The following PURB variants were observed in gnomAD, a reference collection of about 807,000 sequenced individuals.
The protein encoded by PURB is transcriptional regulator protein Pur-beta.
PURB carries 11 observed loss-of-function variants against 21.1 expected under a neutral mutation model. The ratio of observed to expected loss-of-function variants is 0.52; its 90% confidence interval spans 0.33 to 0.86. PURB has a LOEUF of 0.86. PURB is among the 40% of genes least tolerant of loss of function. The pLI is 0.02. For missense variants in PURB, 357 were observed against 456.5 expected (o/e 0.78, Z 1.99); for synonymous variants, 246 against 210.8 (o/e 1.17, Z -1.45).
chr7:44,884,327 C>T lies in PURB; in HGVS notation c.*83G>A. On this transcript the variant is annotated 3_prime_UTR_variant, in exon 1 of 1. Coordinates refer to ENST00000395699, the MANE Select transcript of PURB (RefSeq NM_033224.5). ...GCCTCCCTTGCTCCCTCTCCACTAG[C>T]TCACTGGGGATGAGCAGGAAAGGGA... The T allele has an allele frequency of 6.5e-7, 1 of 1,548,930 alleles. No individual in the cohort carries two copies. The highest frequency in any genetic ancestry group is 8.7e-7 in the Non-Finnish European group (1 of 1,153,358).
Position 44,883,694 on chromosome 7 carries a change from C to T in PURB, c.*716G>A. ...CATTGCTATCTGAATCCACTGGCAT[C>T]CTGGAAAACAATTCTGCGAAGAAAA... On this transcript the variant is annotated 3_prime_UTR_variant, in exon 1 of 1. Coordinates refer to ENST00000395699, the MANE Select transcript of PURB (RefSeq NM_033224.5). The T allele has an allele frequency of 6.6e-6, 1 of 152,570 alleles. No homozygotes were observed. Among genetic ancestry groups the T allele is most frequent in the East Asian group, 1.9e-4 (1 of 5,202 alleles). The allele number at this position is 152,570 out of a possible 1,614,324, so 9.5% of individuals were successfully genotyped here.
chr7:44,883,217 T>G lies in PURB; in HGVS notation c.*1193A>C, dbSNP rs894602933. The G allele has an allele frequency of 2.6e-5, 4 of 152,630 alleles. No homozygotes were observed. The highest frequency in any genetic ancestry group is 5.9e-5 in the Non-Finnish European group (4 of 68,040). The allele number at this position is 152,630 out of a possible 1,614,324, so 9.5% of individuals were successfully genotyped here. A position where few individuals can be genotyped will look rare whatever the true frequency, so the allele number is the denominator to read the frequency against. ...GATGCTGGAATTCTGGACCTGAGGA[T>G]CTTTAGTATTTGAACAAATCCACAG... On this transcript the variant is annotated 3_prime_UTR_variant, in exon 1 of 1. Transcript: ENST00000395699.
rs1027684387 is a variant in PURB, at chr7:44,876,430, T to C, written c.*7980A>G. 3 of 152,646 alleles carry C rather than the reference T, an allele frequency of 2.0e-5. No individual in the cohort carries two copies. Among genetic ancestry groups the C allele is most frequent in the African/African-American group, 7.2e-5 (3 of 41,464 alleles). The allele number at this position is 152,646 out of a possible 1,614,324, so 9.5% of individuals were successfully genotyped here. A position where few individuals can be genotyped will look rare whatever the true frequency, so the allele number is the denominator to read the frequency against. The stretch of plus-strand genomic sequence containing the variant: ...GAAGGATTCTTACATTTTTTCTCTG[T>C]GAGTTTTTCTGTCAGTTTTGCTAGT... On this transcript the variant is annotated 3_prime_UTR_variant, in exon 1 of 1. Transcript: ENST00000395699.
At position 44,884,681 on chromosome 7, in the gene PURB, G is replaced by A. The variant is rs921954122; in HGVS notation, c.668C>T (p.Thr223Ile). The change falls in exon 1 of 1, where the codon ACC becomes ATC. Residue 223 changes from threonine (T) to isoleucine (I), a missense_variant. Transcript: ENST00000395699. Reference sequence around the variant, plus strand: ...GCGCTTGGAGTCCACGGTGATGGAGGTGCCCTCCGGGAGCTCTCCATACAG... The same window carrying A: ...GCGCTTGGAGTCCACGGTGATGGAGATGCCCTCCGGGAGCTCTCCATACAG... ...GGLYGELPEG[T>I]SITVDSKRFF... is the part of the protein sequence containing the mutation. 1 of 1,614,100 alleles carries A rather than the reference G, an allele frequency of 6.2e-7. No individual in the cohort carries two copies. The highest frequency in any genetic ancestry group is 8.5e-7 in the Non-Finnish European group (1 of 1,180,038).
At position 44,876,413 on chromosome 7, in the gene PURB, C is replaced by G. The variant is rs1476399486; in HGVS notation, c.*7997G>C. The G allele has an allele frequency of 1.3e-5, 2 of 152,550 alleles. No individual in the cohort carries two copies. Among genetic ancestry groups the G allele is most frequent in the Admixed American group, 1.3e-4 (2 of 15,266 alleles). 9.4% of individuals were successfully genotyped at this position (152,550 alleles called of 1,614,324 possible). A position where few individuals can be genotyped will look rare whatever the true frequency, so the allele number is the denominator to read the frequency against. On this transcript the variant is annotated 3_prime_UTR_variant, in exon 1 of 1. Coordinates refer to ENST00000395699, the MANE Select transcript of PURB (RefSeq NM_033224.5). The stretch of plus-strand genomic sequence containing the variant: ...GGAGTGCACACCAGCAGGAAGGATT[C>G]TTACATTTTTTCTCTGTGAGTTTTT...
In PURB at chr7:44,882,621, T is replaced by C. The variant is rs937017956; in HGVS notation, c.*1789A>G. ...TCATTTCCCAATAAATACAAAAAGATTGTATAGATTGAATAATACCAAAAT... is the reference window on the plus strand; with the variant it reads ...TCATTTCCCAATAAATACAAAAAGACTGTATAGATTGAATAATACCAAAAT... On this transcript the variant is annotated 3_prime_UTR_variant, in exon 1 of 1. Transcript: ENST00000395699. 1.3e-5 allele frequency: 2 copies of C among 152,196 alleles called. No homozygotes were observed. Among genetic ancestry groups the C allele is most frequent in the African/African-American group, 4.8e-5 (2 of 41,452 alleles). The allele number at this position is 152,196 out of a possible 1,614,324, so 9.4% of individuals were successfully genotyped here.
rs2128691528 is a variant in PURB at position 44,880,840 on chromosome 7, G to A, written c.*3570C>T. 1 of 152,768 alleles carries A rather than the reference G, an allele frequency of 6.5e-6. No individual in the cohort carries two copies. The highest frequency in any genetic ancestry group is 1.9e-4 in the East Asian group (1 of 5,190). The allele number at this position is 152,768 out of a possible 1,614,324, so 9.5% of individuals were successfully genotyped here. Reference sequence around the variant, plus strand: ...AGTGATGTGACAAGTAGCCATGTGTGTATCACAGCTACAGTCATTTATACC... The same window carrying A: ...AGTGATGTGACAAGTAGCCATGTGTATATCACAGCTACAGTCATTTATACC... On this transcript the variant is annotated 3_prime_UTR_variant, in exon 1 of 1. Transcript: ENST00000395699.
rs1236922711 is a variant in PURB at position 44,879,632 on chromosome 7, A to C, written c.*4778T>G. 6.6e-6 allele frequency: 1 copy of C among 152,598 alleles called. No homozygotes were observed. The highest frequency in any genetic ancestry group is 1.5e-5 in the Non-Finnish European group (1 of 68,032). The allele number at this position is 152,598 out of a possible 1,614,324, so 9.5% of individuals were successfully genotyped here. A position where few individuals can be genotyped will look rare whatever the true frequency, so the allele number is the denominator to read the frequency against. Reference sequence around the variant, plus strand: ...AAAAGTTACCTTAAGGCTCAAGGGAAAGTAACTTATTAAATTGTGAATGCA... The same window carrying C: ...AAAAGTTACCTTAAGGCTCAAGGGACAGTAACTTATTAAATTGTGAATGCA... On this transcript the variant is annotated 3_prime_UTR_variant, in exon 1 of 1. Transcript: ENST00000395699.
In PURB at chr7:44,883,296, T is replaced by G. The variant is rs1404891194; in HGVS notation, c.*1114A>C. ...GTTTTGGTTATTTCCAACTTTTCTG[T>G]GAGGATGTATATCCATTAAAGCTCA... On this transcript the variant is annotated 3_prime_UTR_variant, in exon 1 of 1. Transcript: ENST00000395699. 6.6e-6 allele frequency: 1 copy of G among 152,646 alleles called. No individual in the cohort carries two copies. The highest frequency in any genetic ancestry group is 1.5e-5 in the Non-Finnish European group (1 of 68,040). The allele number at this position is 152,646 out of a possible 1,614,324, so 9.5% of individuals were successfully genotyped here. A position where few individuals can be genotyped will look rare whatever the true frequency, so the allele number is the denominator to read the frequency against.
In PURB at chr7:44,885,109, G is replaced by A. The variant is rs778343098; in HGVS notation, c.240C>T (p.Ala80=). The change falls in exon 1 of 1, where the codon GCC becomes GCT. Residue 80 remains alanine, a synonymous_variant. Transcript: ENST00000395699. Reference sequence around the variant, plus strand: ...CGCCCAGCGAGTCGCGGAACTCGGCGGCCACCGCCATGGACAGCGTGAGGC... The same window carrying A: ...CGCCCAGCGAGTCGCGGAACTCGGCAGCCACCGCCATGGACAGCGTGAGGC... ...KSRLTLSMAV[A]AEFRDSLGDF... The A allele has an allele frequency of 4.4e-6, 7 of 1,575,662 alleles. No homozygotes were observed. Among genetic ancestry groups the A allele is most frequent in the Non-Finnish European group, 6.0e-6 (7 of 1,165,998 alleles).
Position 44,884,181 on chromosome 7 carries a change from T to A in PURB, c.*229A>T. ...TTTTACGCAGGTGAGGAGATGCTGT[T>A]TTCCTCTTTGCAGGTTGCTGTCAGT... On this transcript the variant is annotated 3_prime_UTR_variant, in exon 1 of 1. Coordinates refer to ENST00000395699, the MANE Select transcript of PURB (RefSeq NM_033224.5). 2 of 1,016,910 alleles carry A rather than the reference T, an allele frequency of 2.0e-6. No individual in the cohort carries two copies. Among genetic ancestry groups the A allele is most frequent in the South Asian group, 1.8e-5 (1 of 55,310 alleles). The allele number at this position is 1,016,910 out of a possible 1,614,324, so 63.0% of individuals were successfully genotyped here.
In PURB at chr7:44,878,385, G is replaced by A. The variant is rs1793829564; in HGVS notation, c.*6025C>T. 1 of 152,180 alleles carries A rather than the reference G, an allele frequency of 6.6e-6. No homozygotes were observed. Among genetic ancestry groups the A allele is most frequent in the African/African-American group, 2.4e-5 (1 of 41,448 alleles). 9.4% of individuals were successfully genotyped at this position (152,180 alleles called of 1,614,324 possible). ...TTTGCTTCTAGACTCAAAATCTGTT[G>A]ACACTTAAAGTATAATTATACTTTT... On this transcript the variant is annotated 3_prime_UTR_variant, in exon 1 of 1. Transcript: ENST00000395699.
Position 44,884,126 on chromosome 7 carries a change from TCA to T in PURB, c.*282_*283del. 1 of 606,200 alleles carries T rather than the reference TCA, an allele frequency of 1.6e-6. No individual in the cohort carries two copies. The highest frequency in any genetic ancestry group is 2.7e-6 in the Non-Finnish European group (1 of 369,670). The allele number at this position is 606,200 out of a possible 1,614,324, so 37.6% of individuals were successfully genotyped here. Reference sequence around the variant, plus strand: ...GATTATCCTGATGGGTTTACGAACCTCAGTTGAGAAACAACAGAAGCTGAGAC... The same window carrying T: ...GATTATCCTGATGGGTTTACGAACCTGTTGAGAAACAACAGAAGCTGAGAC... On this transcript the variant is annotated 3_prime_UTR_variant, in exon 1 of 1. Transcript: ENST00000395699.
At position 44,883,202 on chromosome 7, in the gene PURB, T is replaced by C. The variant is rs952126971; in HGVS notation, c.*1208A>G. On this transcript the variant is annotated 3_prime_UTR_variant, in exon 1 of 1. Coordinates refer to ENST00000395699, the MANE Select transcript of PURB (RefSeq NM_033224.5). ...TTTAAAAGAATAAATGATGCTGGAA[T>C]TCTGGACCTGAGGATCTTTAGTATT... is the stretch of plus-strand genomic sequence containing the variant. 1 of 152,622 alleles carries C rather than the reference T, an allele frequency of 6.6e-6. No homozygotes were observed. Among genetic ancestry groups the C allele is most frequent in the African/African-American group, 2.4e-5 (1 of 41,446 alleles). The allele number at this position is 152,622 out of a possible 1,614,324, so 9.5% of individuals were successfully genotyped here.
rs1295894970 is a variant in PURB at position 44,877,446 on chromosome 7, T to C, written c.*6964A>G. 1 of 152,226 alleles carries C rather than the reference T, an allele frequency of 6.6e-6. No individual in the cohort carries two copies. Among genetic ancestry groups the C allele is most frequent in the African/African-American group, 2.4e-5 (1 of 41,460 alleles). 9.4% of individuals were successfully genotyped at this position (152,226 alleles called of 1,614,324 possible). ...TGCAAAACCATGGACTCTTTATAAGTACGTCCCATACTGACTTAAAGCCAG... is the reference window on the plus strand; with the variant it reads ...TGCAAAACCATGGACTCTTTATAAGCACGTCCCATACTGACTTAAAGCCAG... On this transcript the variant is annotated 3_prime_UTR_variant, in exon 1 of 1. Coordinates refer to ENST00000395699, the MANE Select transcript of PURB (RefSeq NM_033224.5).
chr7:44,879,358 C>T lies in PURB; in HGVS notation c.*5052G>A, dbSNP rs1341967193. 1 of 152,136 alleles carries T rather than the reference C, an allele frequency of 6.6e-6. No individual in the cohort carries two copies. The highest frequency in any genetic ancestry group is 2.4e-5 in the African/African-American group (1 of 41,422). 9.4% of individuals were successfully genotyped at this position (152,136 alleles called of 1,614,324 possible). The stretch of plus-strand genomic sequence containing the variant: ...GGAATCTCAAATGGAGCATATGACA[C>T]ATACTTTATTCTTTTTTGTCTGTAT... On this transcript the variant is annotated 3_prime_UTR_variant, in exon 1 of 1. Coordinates refer to ENST00000395699, the MANE Select transcript of PURB (RefSeq NM_033224.5).
rs762072677 is a variant in PURB, at chr7:44,877,294, T to A, written c.*7116A>T. Reference sequence around the variant, plus strand: ...ACATCTGGATGGAGGCCCAAAATAATAAATCCCTACTATAATTGTTTTAGA... The same window carrying A: ...ACATCTGGATGGAGGCCCAAAATAAAAAATCCCTACTATAATTGTTTTAGA... On this transcript the variant is annotated 3_prime_UTR_variant, in exon 1 of 1. Transcript: ENST00000395699. 1 of 152,210 alleles carries A rather than the reference T, an allele frequency of 6.6e-6. No homozygotes were observed. Among genetic ancestry groups the A allele is most frequent in the African/African-American group, 2.4e-5 (1 of 41,448 alleles). The allele number at this position is 152,210 out of a possible 1,614,324, so 9.4% of individuals were successfully genotyped here. A position where few individuals can be genotyped will look rare whatever the true frequency, so the allele number is the denominator to read the frequency against.
rs1341967193 is a variant in PURB at position 44,879,358 on chromosome 7, C to G, written c.*5052G>C. Reference sequence around the variant, plus strand: ...GGAATCTCAAATGGAGCATATGACACATACTTTATTCTTTTTTGTCTGTAT... The same window carrying G: ...GGAATCTCAAATGGAGCATATGACAGATACTTTATTCTTTTTTGTCTGTAT... On this transcript the variant is annotated 3_prime_UTR_variant, in exon 1 of 1. Coordinates refer to ENST00000395699, the MANE Select transcript of PURB (RefSeq NM_033224.5). 2 of 152,136 alleles carry G rather than the reference C, an allele frequency of 1.3e-5. No individual in the cohort carries two copies. Among genetic ancestry groups the G allele is most frequent in the Admixed American group, 1.3e-4 (2 of 15,262 alleles). The allele number at this position is 152,136 out of a possible 1,614,324, so 9.4% of individuals were successfully genotyped here.
chr7:44,884,100 G>A lies in PURB; in HGVS notation c.*310C>T, dbSNP rs572930095. 2.1e-6 allele frequency: 1 copy of A among 476,346 alleles called. No individual in the cohort carries two copies. Among genetic ancestry groups the A allele is most frequent in the Non-Finnish European group, 3.7e-6 (1 of 270,824 alleles). The allele number at this position is 476,346 out of a possible 1,614,324, so 29.5% of individuals were successfully genotyped here. A position where few individuals can be genotyped will look rare whatever the true frequency, so the allele number is the denominator to read the frequency against. On this transcript the variant is annotated 3_prime_UTR_variant, in exon 1 of 1. Coordinates refer to ENST00000395699, the MANE Select transcript of PURB (RefSeq NM_033224.5). ...ATGTGCAAGGATCTATTCCCTCCAGGGATTATCCTGATGGGTTTACGAACC... is the reference window on the plus strand; with the variant it reads ...ATGTGCAAGGATCTATTCCCTCCAGAGATTATCCTGATGGGTTTACGAACC...
Sources: allele counts gnomAD v4.1 joint callset, GRCh38; gene constraint gnomAD v4.1.1; transcripts MANE v1.5; gene names NCBI Gene and HGNC (gene_info 2026-07-23, HGNC 2026-07-21).